The following ZBTB20 variants were observed in gnomAD, a reference collection of about 807,000 sequenced individuals.
The protein encoded by ZBTB20 is zinc finger and BTB domain-containing protein 20.
ZBTB20 carries 9 observed loss-of-function variants against 56.9 expected under a neutral mutation model. The ratio of observed to expected loss-of-function variants is 0.16; its 90% CI spans 0.10 to 0.28. The LOEUF (loss-of-function observed/expected upper bound fraction) is 0.28, where lower values mean the gene tolerates loss of function less well. Ranked by LOEUF, ZBTB20 falls within the 10% of genes least tolerant of loss-of-function variation. The pLI is 1.00. For missense variants in ZBTB20, 655 were observed against 1,003.0 expected (o/e 0.65, Z 4.69); for synonymous variants, 417 against 420.7 (o/e 0.99, Z 0.11).
At chr3:114,871,385 A>G (rs1576178630) in intron 4 of ZBTB20, among the ~76,000 whole-genome samples, 3 of 152,252 alleles carry the variant, frequency 2.0e-5, no homozygotes, top group South Asian at 2.1e-4. Context: ...ACTCTAAGCT[A>G]TAACTCTACT....
chr3:115,036,573 C>A (rs1391787284), intron 2 of ZBTB20, among the ~76,000 whole-genome samples: 5 of 152,182 alleles, frequency 3.3e-5, no homozygotes, highest in Non-Finnish European at 5.9e-5. Flanking sequence ...TGCCATCACG[C>A]CCAGCTAACT....
At chr3:114,752,721 C>T (rs887972346) in intron 5 of ZBTB20, among the ~76,000 whole-genome samples, 1 of 152,136 alleles carries the variant, frequency 6.6e-6, no homozygotes, top group African/African-American at 2.4e-5. Flanking sequence ...TTTCCTGTTG[C>T]TGTACTCTCT....
chr3:114,497,741 A>C (rs1039453686), intron 7 of ZBTB20, among the ~76,000 whole-genome samples: 2 of 152,218 alleles, frequency 1.3e-5, no homozygotes, highest in African/African-American at 4.8e-5. Context: ...AAAAGAAAGC[A>C]TTTCTTATTT....
rs1005385869 is a variant in ZBTB20 at position 114,323,175 on chromosome 3, A to C, written c.*15830T>G. 4 of 152,244 alleles carry C rather than the reference A, an allele frequency of 2.6e-5. No individual in the cohort carries two copies. The highest frequency in any genetic ancestry group is 5.9e-5 in the Non-Finnish European group (4 of 68,042). 9.4% of individuals were successfully genotyped at this position (152,244 alleles called of 1,614,324 possible). ...ACTTCTAAGATTAAAAAAGATAATA[A>C]AAATAAATTTAACAAAGAAAAGTTA... On this transcript the variant is annotated 3_prime_UTR_variant, in exon 12 of 12. Coordinates refer to ENST00000675478, the MANE Select transcript of ZBTB20 (RefSeq NM_001348800.3).
chr3:114,622,255 A>G (rs1161118441), intron 6 of ZBTB20, among the ~76,000 whole-genome samples: 1 of 150,692 alleles, frequency 6.6e-6, no homozygotes, highest in African/African-American at 2.4e-5. Context: ...ATGGCCTAAG[A>G]GCTAGTTACA....
intron 6 of ZBTB20, among the ~76,000 whole-genome samples, chr3:114,570,893 T>C (rs2053352301): frequency 6.6e-6 from 1 of 152,208 alleles, no homozygotes; most frequent in African/African-American, 2.4e-5. Flanking sequence ...TTCTTATTAA[T>C]TGATCAGACA....
intron 1 of ZBTB20, among the ~76,000 whole-genome samples, chr3:115,107,254 G>A (rs940305603): frequency 4.0e-5 from 6 of 151,732 alleles, no homozygotes; most frequent in Admixed American, 3.9e-4. Flanking sequence ...TACTGAGACC[G>A]CATGTCTATA....
At chr3:114,601,766 G>T (rs2056776564) in intron 6 of ZBTB20, among the ~76,000 whole-genome samples, 1 of 149,212 alleles carries the variant, frequency 6.7e-6, no homozygotes, top group African/African-American at 2.6e-5. Flanking sequence ...ATTTCGAGCA[G>T]AATAAACTGC....
At chr3:114,832,815 T>C (rs1316549123) in intron 4 of ZBTB20, among the ~76,000 whole-genome samples, 1 of 152,088 alleles carries the variant, frequency 6.6e-6, no homozygotes, top group African/African-American at 2.4e-5. Flanking sequence ...TAACGAATAT[T>C]TTAGGCCAAA....
chr3:114,798,989 G>GA (rs201484267), intron 5 of ZBTB20, among the ~76,000 whole-genome samples: 1,787 of 148,026 alleles, frequency 0.012, 18 homozygotes, highest in South Asian at 0.042. Context: ...ATGTAAAAAA[G>GA]AAAAAAAAAC....
At chr3:114,669,176 A>G (rs2061225186) in intron 6 of ZBTB20, among the ~76,000 whole-genome samples, 1 of 152,034 alleles carries the variant, frequency 6.6e-6, no homozygotes, top group Non-Finnish European at 1.5e-5. Context: ...ATACCACTAA[A>G]CATCCTACAG....
intron 2 of ZBTB20, among the ~76,000 whole-genome samples, chr3:115,035,532 T>G (rs1429759305): frequency 6.8e-6 from 1 of 146,846 alleles, no homozygotes; most frequent in Admixed American, 6.7e-5. Flanking sequence ...CCAATTAGAA[T>G]TGCTACTATC....
At chr3:115,030,574 T>C (rs1053911965) in intron 2 of ZBTB20, among the ~76,000 whole-genome samples, 3 of 150,940 alleles carry the variant, frequency 2.0e-5, no homozygotes, top group Admixed American at 6.6e-5. Flanking sequence ...TATTCCAAAA[T>C]GAAGCTAACA....
chr3:114,701,501 G>A (rs764530404), intron 5 of ZBTB20, among the ~76,000 whole-genome samples: 3 of 152,148 alleles, frequency 2.0e-5, no homozygotes, highest in African/African-American at 2.4e-5. Context: ...GGTATTTACT[G>A]AGTACATACT....
At position 114,706,095 on chromosome 3, in the gene ZBTB20, G is replaced by A. The variant is rs116392786; in HGVS notation, c.-342-12520C>T. On this transcript the variant is annotated intron_variant, in intron 5 of 11. Coordinates refer to ENST00000675478, the MANE Select transcript of ZBTB20 (RefSeq NM_001348800.3). Reference sequence around the variant, plus strand: ...AGAATATGATGTAGAGAAAGAGAGAGAGAGAGAGAGACAGACTTGAGTTTG... The same window carrying A: ...AGAATATGATGTAGAGAAAGAGAGAAAGAGAGAGAGACAGACTTGAGTTTG... Among the ~76,000 whole-genome samples the A allele has an allele frequency of 4.6e-3, 697 of 152,268 alleles. 3 individuals are homozygous for A. The highest frequency in any genetic ancestry group is 0.016 in the African/African-American group (647 of 41,554).
intron 7 of ZBTB20, among the ~76,000 whole-genome samples, chr3:114,456,574 T>C (rs973216410): frequency 6.6e-6 from 1 of 152,196 alleles, no homozygotes; most frequent in Non-Finnish European, 1.5e-5. Context: ...GAATTAGGTA[T>C]GTACAACCTT....
chr3:114,586,908 A>T (rs2107527587), intron 6 of ZBTB20, among the ~76,000 whole-genome samples: 1 of 152,196 alleles, frequency 6.6e-6, no homozygotes, highest in African/African-American at 2.4e-5. Context: ...ATACTCTCTA[A>T]ACATCATTTA....
At chr3:114,961,886 C>T (rs935586600) in intron 3 of ZBTB20, among the ~76,000 whole-genome samples, 1 of 152,132 alleles carries the variant, frequency 6.6e-6, no homozygotes, top group Middle Eastern at 3.4e-3. Flanking sequence ...CATAATGTCA[C>T]GATTGTTACA....
At chr3:114,651,509 T>C (rs1376704235) in intron 6 of ZBTB20, among the ~76,000 whole-genome samples, 1 of 98,090 alleles carries the variant, frequency 1.0e-5, no homozygotes, top group Admixed American at 1.2e-4. Context: ...TTTAAAAGTA[T>C]AGAGAAATCC....
Sources: gnomAD v4.1 joint callset for allele counts (sites outside exome capture counted in the v4.1 genomes callset) on GRCh38, gnomAD v4.1.1 for gene constraint, MANE v1.5 for transcripts, NCBI Gene and HGNC (gene_info 2026-07-23, HGNC 2026-07-21) for gene names.